DLGAP4: variants seen among roughly 807,000 people sequenced by gnomAD.
DLGAP4 encodes the protein disks large-associated protein 4.
A neutral mutation model predicts 86.9 loss-of-function variants in DLGAP4; 18 were observed. That is an observed-to-expected ratio of 0.21 (90% CI 0.14 to 0.31). DLGAP4 has a LOEUF of 0.31. DLGAP4 is among the 10% of genes least tolerant of loss of function. The pLI, the probability that DLGAP4 is intolerant of heterozygous loss-of-function variation, is 1.00. For missense variants in DLGAP4, 1,085 were observed against 1,362.6 expected, an observed-to-expected ratio of 0.80 and a Z score of 3.21; for synonymous variants, 548 against 574.3, an observed-to-expected ratio of 0.95 and a Z score of 0.65.
chr20:36,476,373 G>T (rs2034926707), intron 7 of DLGAP4, among the ~76,000 whole-genome samples: 2 of 138,124 alleles, frequency 1.4e-5, no homozygotes, highest in South Asian at 4.5e-4. Context: ...TGTCTCCCAG[G>T]CTGGAGTGCA....
At position 36,437,988 on chromosome 20, in the gene DLGAP4, C is replaced by T. The variant is rs1443137415; in HGVS notation, c.1241+1638C>T. ...AATAGTGCAATCATGGTTCACTTGT[C>T]GACCTCCTGTGCTCAAGCAGTCCTC... On this transcript the variant is annotated intron_variant, in intron 4 of 12. Transcript: ENST00000339266. Among the ~76,000 whole-genome samples the T allele has an allele frequency of 2.6e-5, 4 of 152,110 alleles. No individual in the cohort carries two copies. In the East Asian group the frequency reaches 5.8e-4, roughly 22 times the overall value.
At chr20:36,517,115 A>C (rs1204278804) in intron 10 of DLGAP4, among the ~76,000 whole-genome samples, 2 of 151,036 alleles carry the variant, frequency 1.3e-5, no homozygotes, top group African/African-American at 2.4e-5. Flanking sequence ...GCAGTGCCTC[A>C]CGCCTGTAAT....
chr20:36,316,825 C>T (rs1173471427), intron 1 of DLGAP4, among the ~76,000 whole-genome samples: 2 of 152,186 alleles, frequency 1.3e-5, no homozygotes, highest in African/African-American at 2.4e-5. Flanking sequence ...CCTCTCCTCC[C>T]CAGCCTCTTC....
At chr20:36,316,480 G>A (rs1183919584) in intron 1 of DLGAP4, among the ~76,000 whole-genome samples, 2 of 152,068 alleles carry the variant, frequency 1.3e-5, no homozygotes, top group Non-Finnish European at 1.5e-5. Context: ...GTTACTTATG[G>A]CTCAGCTCAG....
rs544606853 is a variant in DLGAP4, at chr20:36,431,665, AG to A, written c.-51del. The stretch of plus-strand genomic sequence containing the variant: ...CCCTAGGATAGCTGCCGCCCGGGAG[AG>A]GTGACCCGGGCGCCCTGCTAGGGTG... On this transcript the variant is annotated 5_prime_UTR_variant, in exon 3 of 13. The change creates a premature stop within an existing upstream ORF in the 5' untranslated region. Coordinates refer to ENST00000339266, the MANE Select transcript of DLGAP4 (RefSeq NM_001365621.2). This position sits in a 1 kb window ranked among gnomAD's most constrained non-coding sequence, Gnocchi z 5.1. The A allele has an allele frequency of 3.3e-5, 50 of 1,514,104 alleles. No individual in the cohort carries two copies. In the East Asian group the frequency reaches 1.1e-3, roughly 32 times the overall value. The allele number at this position is 1,514,104 out of a possible 1,614,324, so 93.8% of individuals were successfully genotyped here. A position where few individuals can be genotyped will look rare whatever the true frequency, so the allele number is the denominator to read the frequency against.
chr20:36,525,244 A>AC (rs2037658546), intron 11 of DLGAP4, among the ~76,000 whole-genome samples: 2 of 79,924 alleles, frequency 2.5e-5, no homozygotes, highest in Non-Finnish European at 7.0e-5. Context: ...AAAAAAAAAA[A>AC]AAAAAAAAAA....
rs2033129538 is a variant in DLGAP4 at position 36,431,533 on chromosome 20, T to C, written c.-72-113T>C. 1 of 654,012 alleles carries C rather than the reference T, an allele frequency of 1.5e-6. No individual in the cohort carries two copies. The highest frequency in any genetic ancestry group is 3.1e-5 in the Admixed American group (1 of 32,068). The allele number at this position is 654,012 out of a possible 1,614,324, so 40.5% of individuals were successfully genotyped here. ...ACTCCTGTCCTCAGGCCCACAACAT[T>C]GAGGACTGGCTTCAGAGATCCTCCC... On this transcript the variant is annotated intron_variant, in intron 2 of 12. Coordinates refer to ENST00000339266, the MANE Select transcript of DLGAP4 (RefSeq NM_001365621.2). This position sits in a 1 kb window ranked among gnomAD's most constrained non-coding sequence, Gnocchi z 5.1.
intron 1 of DLGAP4, among the ~76,000 whole-genome samples, chr20:36,361,702 G>T (rs1555894232): frequency 6.6e-6 from 1 of 152,150 alleles, no homozygotes; most frequent in African/African-American, 2.4e-5. Flanking sequence ...GCCTGGCATG[G>T]TGGCTCATGC....
At chr20:36,318,724 G>A (rs1159631147) in intron 1 of DLGAP4, among the ~76,000 whole-genome samples, 13 of 152,116 alleles carry the variant, frequency 8.5e-5, no homozygotes, top group Non-Finnish European at 1.8e-4. Flanking sequence ...TGAGACAGAC[G>A]AGGGCAGGGA....
At chr20:36,459,066 C>G (rs900994936) in intron 7 of DLGAP4, among the ~76,000 whole-genome samples, 2 of 152,146 alleles carry the variant, frequency 1.3e-5, no homozygotes, top group Admixed American at 6.5e-5. Context: ...CTTCACCCCC[C>G]GGATGGGGAG....
intron 7 of DLGAP4, among the ~76,000 whole-genome samples, chr20:36,470,265 A>C (rs555445418): frequency 6.6e-6 from 1 of 152,114 alleles, no homozygotes; most frequent in African/African-American, 2.4e-5. Flanking sequence ...CTCAAAGTCA[A>C]GTTTTCCCAC....
Position 36,431,633 on chromosome 20 carries a change from C to T in DLGAP4, c.-72-13C>T. Reference sequence around the variant, plus strand: ...AGCTGACCAGCTGACCGCTTTCTGTCTTCTCTCCCTAGGATAGCTGCCGCC... The same window carrying T: ...AGCTGACCAGCTGACCGCTTTCTGTTTTCTCTCCCTAGGATAGCTGCCGCC... On this transcript the variant is annotated splice_polypyrimidine_tract_variant and intron_variant, in intron 2 of 12. Transcript: ENST00000339266. The surrounding 1 kb of genome is among the most constrained non-coding windows in gnomAD (Gnocchi z 5.1). 6.9e-7 allele frequency: 1 copy of T among 1,456,914 alleles called. No individual in the cohort carries two copies. The highest frequency in any genetic ancestry group is 1.4e-5 in the South Asian group (1 of 72,492). 90.2% of individuals were successfully genotyped at this position (1,456,914 alleles called of 1,614,324 possible). A position where few individuals can be genotyped will look rare whatever the true frequency, so the allele number is the denominator to read the frequency against.
intron 2 of DLGAP4, among the ~76,000 whole-genome samples, chr20:36,383,860 A>G (rs1569480520): frequency 6.6e-6 from 1 of 152,058 alleles, no homozygotes; most frequent in Admixed American, 6.6e-5. Flanking sequence ...CTGTAGTCCC[A>G]GCTACTCGGG....
chr20:36,438,544 A>T (rs2033351708), intron 4 of DLGAP4, among the ~76,000 whole-genome samples: 1 of 150,646 alleles, frequency 6.6e-6, no homozygotes, highest in African/African-American at 2.4e-5. Context: ...TCCCAATCTG[A>T]ATAATATATA....
rs377281464 is a variant in DLGAP4 at position 36,525,802 on chromosome 20, G to A, written c.2605-49G>A. 1.1e-5 allele frequency: 18 copies of A among 1,603,682 alleles called. No individual in the cohort carries two copies. The African/African-American group carries it at 1.6e-4, about 14-fold the overall frequency. ...GCTTGTTGGGGGGTTGGGGGGAGCA[G>A]GACAAGCCTCTGCTGAGCTGGCCCC... On this transcript the variant is annotated intron_variant, in intron 11 of 12. Transcript: ENST00000339266.
At chr20:36,440,019 T>C (rs1001578632) in intron 5 of DLGAP4, 151 bp downstream of exon 5, 51 of 692,082 alleles carry the variant, frequency 7.4e-5, no homozygotes, top group Non-Finnish European at 1.3e-4. Flanking sequence ...AAGCCTCCTG[T>C]GTGTGTCTCT....
Position 36,436,294 on chromosome 20 carries a change from C to T in DLGAP4, c.1185C>T (p.Arg395=). 1 of 1,604,518 alleles carries T rather than the reference C, an allele frequency of 6.2e-7. No individual in the cohort carries two copies. Among genetic ancestry groups the T allele is most frequent in the Non-Finnish European group, 8.5e-7 (1 of 1,179,054 alleles). The change falls in exon 4 of 13, where the codon CGC becomes CGT. Residue 395 remains arginine (R), a synonymous_variant. Coordinates refer to ENST00000339266, the MANE Select transcript of DLGAP4 (RefSeq NM_001365621.2). ...PKPSPKTAAR[R]QSYLRATQQS... is the part of the protein sequence containing the mutation. ...CCTCACCCAAGACCGCGGCGCGGCG[C>T]CAGAGCTATCTGAGGGCCACGCAGC...
intron 2 of DLGAP4, among the ~76,000 whole-genome samples, chr20:36,390,531 C>T (rs367877421): frequency 6.6e-6 from 1 of 152,150 alleles, no homozygotes; most frequent in African/African-American, 2.4e-5. Flanking sequence ...TTAACTCCCA[C>T]GCTGTGACTT....
chr20:36,497,123 G>A (rs1007058823), intron 8 of DLGAP4, 57 bp downstream of exon 8: 2 of 1,529,150 alleles, frequency 1.3e-6, no homozygotes, highest in Non-Finnish European at 1.8e-6. Context: ...CTGCCTGTGT[G>A]TAATTACATC....
Sources: gnomAD v4.1 joint callset for allele counts (sites outside exome capture counted in the v4.1 genomes callset) on GRCh38, gnomAD v4.1.1 for gene constraint, Gnocchi (gnomAD v3.1) non-coding constraint, MANE v1.5 for transcripts, NCBI Gene and HGNC (gene_info 2026-07-23, HGNC 2026-07-21) for gene names.